Variants in KLRC3 observed in about 807,000 individuals in gnomAD.
KLRC3 encodes NKG2-E type II integral membrane protein.
Under a neutral mutation model 23.6 loss-of-function variants are expected in KLRC3, and 16 were observed. That is an observed-to-expected ratio of 0.68 (90% CI 0.46 to 1.03). KLRC3 has a LOEUF of 1.03. KLRC3 is among the 50% of genes least tolerant of loss of function. The probability of loss-of-function intolerance (pLI) is 0.00; values close to 1 mark genes in which losing one functional copy is unlikely to be tolerated. For synonymous variants in KLRC3, 70 were observed against 71.8 expected (o/e 0.98, Z 0.13); for missense variants, 209 against 232.2 (o/e 0.90, Z 0.65).
Position 10,418,337 on chromosome 12 carries a change from A to T in KLRC3, c.486+7T>A, listed in dbSNP as rs769728861. The T allele has an allele frequency of 6.3e-7, 1 of 1,597,834 alleles. No individual in the cohort carries two copies. Among genetic ancestry groups the T allele is most frequent in the South Asian group, 1.1e-5 (1 of 89,666 alleles). On this transcript the variant is annotated splice_region_variant and intron_variant, in intron 4 of 6. Transcript: ENST00000396439. The stretch of plus-strand genomic sequence containing the variant: ...TTCATAAAATGTTTGAAACATTTAC[A>T]TCTTACCATTTCTTCTTCATTATCT...
chr12:10,417,886 T>A (rs935483851), intron 4 of KLRC3, among the ~76,000 whole-genome samples: 13 of 152,170 alleles, frequency 8.5e-5, no homozygotes, highest in Non-Finnish European at 1.8e-4. Flanking sequence ...ATTCCGTTTT[T>A]TATAAATTCA....
rs767732363 is a variant in KLRC3 at position 10,418,409 on chromosome 12, T to A, written c.421A>T (p.Ser141Cys). The A allele has an allele frequency of 1.4e-5, 22 of 1,611,944 alleles. No individual in the cohort carries two copies. In the Admixed American group the frequency reaches 3.7e-4, roughly 27 times the overall value. The change falls in exon 4 of 7, where the codon AGT becomes TGT. Residue 141 changes from serine (S) to cysteine (C), a missense_variant. Physicochemically the swap from Ser to Cys is moderately radical, Grantham distance 112 (BLOSUM62 -1). This residue lies in a region of KLRC3 where 109 missense variants were observed against 113.2 expected (regional missense o/e 0.96). Transcript: ENST00000396439. ...IGKERRTWEE[S>C]LQACASKNSS... ...TTCTTTGAAGCACAGGCCTGCAAAC[T>A]CTCTTCCCAAGTTCTTCTTTCCTTA...
rs1863674151 is a variant in KLRC3 at position 10,418,373 on chromosome 12, GACT to G, written c.454_456del (p.Ser152del). 2 of 1,610,848 alleles carry G rather than the reference GACT, an allele frequency of 1.2e-6. No homozygotes were observed. ...TCTTCTTCATTATCTATACAAAGCA[GACT>G]AGAAGAGTTCTTTGAAGCACAGGCC... On this transcript the variant is annotated inframe_deletion, in exon 4 of 7. Coordinates refer to ENST00000396439, the MANE Select transcript of KLRC3 (RefSeq NM_002261.3).
chr12:10,414,667 G>A (rs927332473), intron 6 of KLRC3, among the ~76,000 whole-genome samples: 4 of 149,488 alleles, frequency 2.7e-5, no homozygotes, highest in Admixed American at 6.7e-5. Flanking sequence ...GCTAAATGAC[G>A]AGTTAATGGG....
At chr12:10,416,336 T>C (rs1863642630) in intron 5 of KLRC3, among the ~76,000 whole-genome samples, 1 of 152,232 alleles carries the variant, frequency 6.6e-6, no homozygotes, top group Non-Finnish European at 1.5e-5. Flanking sequence ...CATTCTGAGA[T>C]ATTTTTGCAA....
chr12:10,414,774 G>GA (rs901451905), intron 6 of KLRC3, among the ~76,000 whole-genome samples: 3 of 143,754 alleles, frequency 2.1e-5, no homozygotes, highest in Non-Finnish European at 3.1e-5. Context: ...AATAAAAAAA[G>GA]AAAAAAAAAG....
Position 10,415,792 on chromosome 12 carries a change from A to G in KLRC3, c.590T>C (p.Ile197Thr), listed in dbSNP as rs1392862304. 4 of 1,605,684 alleles carry G rather than the reference A, an allele frequency of 2.5e-6. No homozygotes were observed. Among genetic ancestry groups the G allele is most frequent in the Non-Finnish European group, 3.4e-6 (4 of 1,174,222 alleles). ...ACGTTCAGCATGATCTGAGTCTTTTATCCTGTAATGGAGAAAAATCCATAA... is the reference window on the plus strand; with the variant it reads ...ACGTTCAGCATGATCTGAGTCTTTTGTCCTGTAATGGAGAAAAATCCATAA... Reference protein sequence around the residue: ...TINGLAFKHEIKDSDHAERNC... With the variant: ...TINGLAFKHETKDSDHAERNC... Residue 197 changes from isoleucine (I) to threonine (T), a missense_variant and splice_region_variant, in exon 6 of 7, where the codon ATA (isoleucine) becomes ACA (threonine). Physicochemically the swap from Ile to Thr is moderately conservative, Grantham distance 89 (BLOSUM62 -1). This residue lies in a region of KLRC3 where 74 missense variants were observed against 51.0 expected (regional missense o/e 1.45). Transcript: ENST00000396439.
intron 6 of KLRC3, among the ~76,000 whole-genome samples, chr12:10,414,785 A>C (rs1006830050): frequency 1.3e-5 from 2 of 151,996 alleles, no homozygotes; most frequent in Admixed American, 6.6e-5. Context: ...AAAAAAAAAG[A>C]AAAAGAAAAG....
chr12:10,416,266 C>T (rs1032706445), intron 5 of KLRC3, among the ~76,000 whole-genome samples: 2 of 152,174 alleles, frequency 1.3e-5, no homozygotes, highest in South Asian at 2.1e-4. Context: ...GCCCATGGGC[C>T]GCATGTGGCC....
intron 6 of KLRC3, among the ~76,000 whole-genome samples, chr12:10,414,479 C>T (rs1863611986): frequency 6.6e-6 from 1 of 151,456 alleles, no homozygotes; most frequent in South Asian, 2.1e-4. Context: ...TTCTATTCAA[C>T]TCTGGATATA....
At chr12:10,415,643 T>C (rs368930437) in intron 6 of KLRC3, 61 bp downstream of exon 6, 11 of 1,606,942 alleles carry the variant, frequency 6.8e-6, no homozygotes, top group East Asian at 4.5e-5. Flanking sequence ...TTTGAACAAA[T>C]ATAAAATTTT....
In KLRC3 at chr12:10,420,354, A is replaced by T. The variant is rs1276096706; in HGVS notation, c.187+10T>A. ...GAACAATAACATTGAAGATATATTT[A>T]ATGTTTTACCTTGGCAGTCATATAT... On this transcript the variant is annotated intron_variant, in intron 1 of 6. Coordinates refer to ENST00000396439, the MANE Select transcript of KLRC3 (RefSeq NM_002261.3). The T allele has an allele frequency of 8.1e-6, 13 of 1,609,830 alleles. No individual in the cohort carries two copies. The highest frequency in any genetic ancestry group is 1.1e-5 in the Non-Finnish European group (13 of 1,176,474).
At chr12:10,414,285 TAAA>T (rs1261815733) in intron 6 of KLRC3, among the ~76,000 whole-genome samples, 3 of 151,522 alleles carry the variant, frequency 2.0e-5, no homozygotes, top group Admixed American at 1.3e-4. Flanking sequence ...TTCTAAGTAA[TAAA>T]AAATAAAAAT....
intron 1 of KLRC3, among the ~76,000 whole-genome samples, 197 bp from the exon 2 acceptor site, chr12:10,420,161 A>C (rs1863700719): frequency 6.6e-6 from 1 of 152,088 alleles, no homozygotes; most frequent in Non-Finnish European, 1.5e-5. Flanking sequence ...GTAATGTTCC[A>C]TGAGTGGATT....
At chr12:10,417,015 TAA>T (rs1863654579) in intron 4 of KLRC3, among the ~76,000 whole-genome samples, 6 of 151,978 alleles carry the variant, frequency 3.9e-5, no homozygotes, top group Non-Finnish European at 8.8e-5. Context: ...GGAAGGGTTT[TAA>T]TAAGTTTCCT....
At chr12:10,416,637 T>C in intron 5 of KLRC3, 30 bp downstream of exon 5, 2 of 1,585,862 alleles carry the variant, frequency 1.3e-6, no homozygotes, top group Non-Finnish European at 8.6e-7. Context: ...CTTTATATTT[T>C]TTTATATAGC....
intron 4 of KLRC3, among the ~76,000 whole-genome samples, chr12:10,418,081 G>T (rs1863670715): frequency 6.6e-6 from 1 of 152,036 alleles, no homozygotes; most frequent in Non-Finnish European, 1.5e-5. Context: ...ATCATATCAT[G>T]CTCAATAAAA....
chr12:10,415,735 A>C lies in KLRC3; in HGVS notation c.647T>G (p.Ile216Arg), dbSNP rs1286767513. 6.2e-7 allele frequency: 1 copy of C among 1,613,820 alleles called. No homozygotes were observed. The highest frequency in any genetic ancestry group is 8.5e-7 in the Non-Finnish European group (1 of 1,179,808). ...NCAMLHVRGLISDQCGSSRII... is the reference protein window; with the variant it reads ...NCAMLHVRGLRSDQCGSSRII... ...TCTTGAAGATCCACACTGGTCTGAT[A>C]TAAGTCCACGTACATGTAGCATTGC... The change falls in exon 6 of 7, where the codon ATA (isoleucine) becomes AGA (arginine). Residue 216 changes from isoleucine (I) to arginine (R), a missense_variant. This residue lies in a region of KLRC3 where 74 missense variants were observed against 51.0 expected (regional missense o/e 1.45). Coordinates refer to ENST00000396439, the MANE Select transcript of KLRC3 (RefSeq NM_002261.3).
Position 10,415,714 on chromosome 12 carries a change from G to C in KLRC3, c.668C>G (p.Ser223Ter). 6.2e-7 allele frequency: 1 copy of C among 1,612,616 alleles called. No homozygotes were observed. The highest frequency in any genetic ancestry group is 8.5e-7 in the Non-Finnish European group (1 of 1,179,278). Residue 223 changes from serine (S) to a stop codon, truncating the protein, a stop_gained, in exon 6 of 7, where the codon TCA becomes TGA. Coordinates refer to ENST00000396439, the MANE Select transcript of KLRC3 (RefSeq NM_002261.3). LOFTEE classifies it high-confidence loss of function. ...RGLISDQCGS[S>*]RIIRRGFIML... is the part of the protein sequence containing the mutation. ...AAAGCTTATGCTCACAATGATTCTT[G>C]AAGATCCACACTGGTCTGATATAAG...
Sources: gnomAD v4.1 joint callset for allele counts (sites outside exome capture counted in the v4.1 genomes callset) on GRCh38, gnomAD v4.1.1 for gene constraint, gnomAD v4.1.1 regional missense constraint, MANE v1.5 for transcripts, NCBI Gene and HGNC (gene_info 2026-07-23, HGNC 2026-07-21) for gene names.